IMMP2L: variants seen among roughly 807,000 people sequenced by gnomAD.
IMMP2L encodes mitochondrial inner membrane protease subunit 2.
A neutral mutation model predicts 19.3 loss-of-function variants in IMMP2L; 18 were observed. The observed-to-expected ratio is 0.93, with a 90% CI of 0.64 to 1.38. The LOEUF (loss-of-function observed/expected upper bound fraction) is 1.38. IMMP2L is among the 40% of genes most tolerant of loss of function. The pLI is 0.00. For synonymous variants in IMMP2L, 76 were observed against 73.0 expected (o/e 1.04, Z -0.21); for missense variants, 233 against 218.2 (o/e 1.07, Z -0.43).
At chr7:111,556,150 T>A (rs1383954105) in intron 1 of IMMP2L, among the ~76,000 whole-genome samples, 1 of 150,434 alleles carries the variant, frequency 6.6e-6, no homozygotes, top group Admixed American at 6.7e-5. Context: ...AAAACAGTGA[T>A]CCCAGGGGAG....
At chr7:110,988,958 C>T (rs1414753958) in intron 3 of IMMP2L, among the ~76,000 whole-genome samples, 1 of 151,984 alleles carries the variant, frequency 6.6e-6, no homozygotes, top group African/African-American at 2.4e-5. Flanking sequence ...GTTCTTTTGC[C>T]AGGTGCGGTG....
chr7:111,217,126 T>TCTCTCA (rs1472700586), intron 3 of IMMP2L, among the ~76,000 whole-genome samples: 11 of 123,996 alleles, frequency 8.9e-5, no homozygotes, highest in African/African-American at 3.5e-4. Flanking sequence ...TCTCTCTCTC[T>TCTCTCA]CACACACACA....
chr7:111,117,456 C>G (rs1446271482), intron 3 of IMMP2L, among the ~76,000 whole-genome samples: 1 of 152,050 alleles, frequency 6.6e-6, no homozygotes, highest in East Asian at 1.9e-4. Flanking sequence ...TTCGGTGTAT[C>G]AATTTCTCAT....
chr7:110,874,580 G>A (rs1463104635), intron 5 of IMMP2L, among the ~76,000 whole-genome samples: 1 of 151,854 alleles, frequency 6.6e-6, no homozygotes, highest in East Asian at 1.9e-4. Context: ...TTCAAATAAT[G>A]TTCTTCCATC....
At chr7:110,770,856 T>C (rs893104899) in intron 5 of IMMP2L, among the ~76,000 whole-genome samples, 1 of 152,144 alleles carries the variant, frequency 6.6e-6, no homozygotes, top group African/African-American at 2.4e-5. Flanking sequence ...TGTCACTTTA[T>C]GGCAAAAGGA....
intron 3 of IMMP2L, among the ~76,000 whole-genome samples, chr7:111,356,556 C>T (rs1232439674): frequency 6.6e-6 from 1 of 152,114 alleles, no homozygotes; most frequent in Non-Finnish European, 1.5e-5. Context: ...ACTGCAACCC[C>T]TTATTCAACG....
intron 3 of IMMP2L, among the ~76,000 whole-genome samples, chr7:111,117,260 C>A (rs1799997311): frequency 6.6e-6 from 1 of 152,002 alleles, no homozygotes; most frequent in South Asian, 2.1e-4. Context: ...TGGAAAAAAT[C>A]TTTGATGTTC....
At chr7:110,818,093 A>C (rs1802695853) in intron 5 of IMMP2L, among the ~76,000 whole-genome samples, 1 of 152,174 alleles carries the variant, frequency 6.6e-6, no homozygotes, top group Admixed American at 6.5e-5. Context: ...CAATGGCAAC[A>C]AAAGCCAAAA....
At chr7:111,225,083 C>G (rs1271515973) in intron 3 of IMMP2L, among the ~76,000 whole-genome samples, 1 of 152,106 alleles carries the variant, frequency 6.6e-6, no homozygotes, top group Non-Finnish European at 1.5e-5. Flanking sequence ...CCACCAAACA[C>G]TTTTTACTTA....
intron 4 of IMMP2L, among the ~76,000 whole-genome samples, chr7:110,910,654 T>C (rs1812959239): frequency 1.3e-5 from 2 of 152,114 alleles, no homozygotes; most frequent in Non-Finnish European, 2.9e-5. Flanking sequence ...GTCTGCAGGA[T>C]GAAAAATTGG....
intron 4 of IMMP2L, among the ~76,000 whole-genome samples, chr7:110,914,991 G>A (rs184617801): frequency 4.8e-4 from 73 of 152,212 alleles, no homozygotes; most frequent in African/African-American, 1.7e-3. Flanking sequence ...CACTTGGTGG[G>A]AATGTAAATT....
At chr7:110,912,420 T>A (rs541549759) in intron 4 of IMMP2L, among the ~76,000 whole-genome samples, 1 of 152,158 alleles carries the variant, frequency 6.6e-6, no homozygotes, top group Non-Finnish European at 1.5e-5. Flanking sequence ...AATAAATAAT[T>A]AGTTAAATTG....
intron 5 of IMMP2L, among the ~76,000 whole-genome samples, chr7:110,679,607 A>C (rs1043544587): frequency 4.0e-5 from 6 of 151,894 alleles, no homozygotes; most frequent in South Asian, 4.2e-4. Context: ...ATTTGGGATG[A>C]CAACGTATCT....
intron 3 of IMMP2L, among the ~76,000 whole-genome samples, chr7:111,268,569 C>CTCTTTTTTTTTTTTTTTTT (rs1818083564): frequency 2.2e-5 from 1 of 44,592 alleles, no homozygotes; most frequent in African/African-American, 1.0e-4. Context: ...TCACATTTCT[C>CTCTTTTTTTTTTTTTTTTT]TTTTTTTTTT....
intron 5 of IMMP2L, among the ~76,000 whole-genome samples, chr7:110,767,163 C>A (rs892604044): frequency 6.6e-6 from 1 of 152,018 alleles, no homozygotes; most frequent in African/African-American, 2.4e-5. Flanking sequence ...TCCTATTAAG[C>A]CATATTGTTG....
chr7:111,338,032 G>A (rs547233503), intron 3 of IMMP2L, among the ~76,000 whole-genome samples: 2 of 152,236 alleles, frequency 1.3e-5, no homozygotes, highest in South Asian at 4.1e-4. Flanking sequence ...ACTTGTGAAA[G>A]GTGGCAAGTA....
chr7:111,540,962 C>T (rs1848460747), intron 1 of IMMP2L, among the ~76,000 whole-genome samples: 3 of 152,228 alleles, frequency 2.0e-5, no homozygotes, highest in South Asian at 4.2e-4. Context: ...TCCATGCATG[C>T]GTCCCTCCCA....
chr7:110,938,169 C>T lies in IMMP2L; in HGVS notation c.305+25331G>A, dbSNP rs150145621. 7.2e-5 allele frequency among the ~76,000 whole-genome samples: 11 copies of T among 152,228 alleles called. No individual in the cohort carries two copies. In the East Asian group the frequency reaches 2.1e-3, roughly 29 times the overall value. ...ACATGGCAAAACAACTTAATAGGAT[C>T]TACCATCCTTAAAAGGCAGTCAGGG... On this transcript the variant is annotated intron_variant, in intron 4 of 5. Coordinates refer to ENST00000405709, the MANE Select transcript of IMMP2L (RefSeq NM_032549.4).
chr7:111,207,250 G>A (rs1461795239), intron 3 of IMMP2L, among the ~76,000 whole-genome samples: 1 of 152,120 alleles, frequency 6.6e-6, no homozygotes, highest in Non-Finnish European at 1.5e-5. Flanking sequence ...TGGTTAAGTA[G>A]CTCAGCCACT....
Sources: allele counts gnomAD v4.1 joint callset (sites outside exome capture counted in the v4.1 genomes callset), GRCh38; gene constraint gnomAD v4.1.1; transcripts MANE v1.5; gene names NCBI Gene and HGNC (gene_info 2026-07-23, HGNC 2026-07-21).